PREP: variants seen among roughly 807,000 people sequenced by gnomAD.
The protein encoded by PREP is prolyl endopeptidase, also known as dJ355L5.1 (prolyl endopeptidase).
In PREP, 29 loss-of-function variants were observed where a neutral mutation model predicts 87.6. The ratio of observed to expected loss-of-function variants is 0.33; its 90% CI spans 0.25 to 0.45. The LOEUF (loss-of-function observed/expected upper bound fraction) is 0.45. Ranked by LOEUF, PREP falls within the 20% of genes least tolerant of loss-of-function variation. PREP has a pLI of 1.00. For synonymous variants in PREP, 337 were observed against 328.6 expected (o/e 1.03, Z -0.28); for missense variants, 695 against 886.5 (o/e 0.78, Z 2.74).
intron 3 of PREP, 60 bp downstream of exon 3, chr6:105,377,326 A>G (rs1435439428): frequency 1.3e-6 from 2 of 1,512,556 alleles, no homozygotes; most frequent in Admixed American, 2.2e-5. Flanking sequence ...TTTGTATTTT[A>G]CAATTTAAGA....
intron 2 of PREP, among the ~76,000 whole-genome samples, chr6:105,385,313 A>C (rs1772963602): frequency 6.6e-6 from 1 of 151,182 alleles, no homozygotes; most frequent in African/African-American, 2.4e-5. Flanking sequence ...GAAAAAAAGC[A>C]CATTTAGCCA....
intron 7 of PREP, among the ~76,000 whole-genome samples, chr6:105,350,848 G>C (rs114149395): frequency 4.6e-5 from 7 of 152,124 alleles, no homozygotes; most frequent in Non-Finnish European, 8.8e-5. Context: ...AAAAGATAAC[G>C]GGCTCAGTGC....
rs575944869 is a variant in PREP, at chr6:105,310,549, T to C, written c.1317+13116A>G. ...GGGTGTTGCCTGCCACTCCCTCCTTTTAATCCCTTTTCGTGGACTTCCTGC... is the reference window on the plus strand; with the variant it reads ...GGGTGTTGCCTGCCACTCCCTCCTTCTAATCCCTTTTCGTGGACTTCCTGC... On this transcript the variant is annotated intron_variant, in intron 10 of 14. Transcript: ENST00000652536. Among the ~76,000 whole-genome samples the C allele has an allele frequency of 9.2e-5, 14 of 152,294 alleles. No individual in the cohort carries two copies. In the South Asian group the frequency reaches 2.1e-3, roughly 23 times the overall value.
chr6:105,340,668 A>C (rs1218093920), intron 7 of PREP, among the ~76,000 whole-genome samples: 1 of 152,262 alleles, frequency 6.6e-6, no homozygotes, highest in Non-Finnish European at 1.5e-5. Flanking sequence ...AGAGACACAT[A>C]TATGCTGAAA....
intron 6 of PREP, among the ~76,000 whole-genome samples, chr6:105,361,574 A>G (rs1371227167): frequency 5.3e-5 from 8 of 152,214 alleles, no homozygotes; most frequent in Non-Finnish European, 1.0e-4. Context: ...ACGTAAAAAA[A>G]GCATTCTAAA....
At position 105,278,052 on chromosome 6, in the gene PREP, T is replaced by G; in HGVS notation, c.*92A>C. On this transcript the variant is annotated 3_prime_UTR_variant, in exon 15 of 15. Transcript: ENST00000652536. This position sits in a 1 kb window ranked among gnomAD's most constrained non-coding sequence, Gnocchi z 4.2. The stretch of plus-strand genomic sequence containing the variant: ...TGTGAGTGCAGGAATAATGTTCCCG[T>G]GGGGAAGCATTATGCCCAGTGGTTT... The G allele has an allele frequency of 6.9e-7, 1 of 1,439,848 alleles. No homozygotes were observed. The highest frequency in any genetic ancestry group is 9.5e-7 in the Non-Finnish European group (1 of 1,052,720). The allele number at this position is 1,439,848 out of a possible 1,614,324, so 89.2% of individuals were successfully genotyped here.
chr6:105,317,893 G>C (rs73770154), intron 10 of PREP, among the ~76,000 whole-genome samples: 48 of 152,340 alleles, frequency 3.2e-4, no homozygotes, highest in African/African-American at 1.1e-3. Flanking sequence ...CAAGGGAGGA[G>C]TGCCTCCTTA....
rs1322967218 is a variant in PREP, at chr6:105,277,036, C to T, written c.*1108G>A. Among the ~76,000 whole-genome samples the T allele has an allele frequency of 6.6e-6, 1 of 151,758 alleles. No homozygotes were observed. Among genetic ancestry groups the T allele is most frequent in the South Asian group, 2.1e-4 (1 of 4,802 alleles). On this transcript the variant is annotated 3_prime_UTR_variant, in exon 15 of 15. Coordinates refer to ENST00000652536, the MANE Select transcript of PREP (RefSeq NM_002726.5). ...CTGTTTTAAGTTAGATCAGCATTTC[C>T]CAAACTGATACTCAAAGGAACATTG...
chr6:105,311,343 A>G (rs908285084), intron 10 of PREP, among the ~76,000 whole-genome samples: 4 of 151,770 alleles, frequency 2.6e-5, no homozygotes, highest in African/African-American at 9.7e-5. Context: ...CCTGCCCTTC[A>G]TCCACTCCCC....
chr6:105,395,356 G>A lies in PREP; in HGVS notation c.120+2497C>T, dbSNP rs147281376. On this transcript the variant is annotated intron_variant, in intron 2 of 14. Transcript: ENST00000652536. ...TTAATGTGTAATTGATAACCACCTC[G>A]TCTACCTGGGTTACCCTTGACTACA... Among the ~76,000 whole-genome samples the A allele has an allele frequency of 5.0e-3, 755 of 152,096 alleles. 27 individuals carry two copies. Among genetic ancestry groups the A allele is most frequent in the Admixed American group, 0.044 (667 of 15,280 alleles).
chr6:105,339,747 G>A (rs978240734), intron 7 of PREP, among the ~76,000 whole-genome samples: 2 of 152,196 alleles, frequency 1.3e-5, no homozygotes, highest in East Asian at 1.9e-4. Context: ...GCATGCACAA[G>A]CTTCAGTAGC....
chr6:105,291,070 C>T (rs1022653355), intron 10 of PREP, among the ~76,000 whole-genome samples: 3 of 152,102 alleles, frequency 2.0e-5, no homozygotes, highest in Non-Finnish European at 2.9e-5. Context: ...ATTAAGTATG[C>T]AATAGCATTA....
chr6:105,282,351 C>T lies in PREP; in HGVS notation c.1681+100G>A, dbSNP rs1044012022. The T allele has an allele frequency of 7.1e-6, 10 of 1,400,556 alleles. No individual in the cohort carries two copies. The African/African-American group carries it at 1.0e-4, about 14-fold the overall frequency. 86.8% of individuals were successfully genotyped at this position (1,400,556 alleles called of 1,614,324 possible). On this transcript the variant is annotated intron_variant, in intron 13 of 14. Coordinates refer to ENST00000652536, the MANE Select transcript of PREP (RefSeq NM_002726.5). ...TGCTCTCCTTATACCACTTTGTGGT[C>T]CTATCCACAAAGTTAAGTCAAGAGC... is the stretch of plus-strand genomic sequence containing the variant.
chr6:105,308,596 G>T (rs1187088651), intron 10 of PREP, among the ~76,000 whole-genome samples: 1 of 151,872 alleles, frequency 6.6e-6, no homozygotes, highest in African/African-American at 2.4e-5. Flanking sequence ...GGCAACATTT[G>T]TCCATTTCTA....
At chr6:105,367,667 G>A (rs1405660341) in intron 6 of PREP, among the ~76,000 whole-genome samples, 7 of 131,368 alleles carry the variant, frequency 5.3e-5, no homozygotes, top group African/African-American at 1.3e-4. Context: ...GCGAGACTCC[G>A]TCTCAAAAAA....
At chr6:105,328,003 A>C (rs1193158466) in intron 9 of PREP, among the ~76,000 whole-genome samples, 1 of 152,228 alleles carries the variant, frequency 6.6e-6, no homozygotes, top group Non-Finnish European at 1.5e-5. Flanking sequence ...ATTAACCCGT[A>C]CCATGAAATG....
chr6:105,352,927 T>G, intron 7 of PREP, 45 bp downstream of exon 7: 1 of 1,495,894 alleles, frequency 6.7e-7, no homozygotes, highest in Non-Finnish European at 9.3e-7. Flanking sequence ...ACTTTTTAAA[T>G]GAAGTTTCTT....
At chr6:105,354,955 CAAAT>C in intron 6 of PREP, among the ~76,000 whole-genome samples, 1 of 151,844 alleles carries the variant, frequency 6.6e-6, no homozygotes, top group Admixed American at 6.6e-5. Context: ...CATCAGTAAA[CAAAT>C]CAAGAAAAAA....
intron 6 of PREP, among the ~76,000 whole-genome samples, chr6:105,367,154 TATATC>T (rs761487244): frequency 3.4e-4 from 51 of 152,230 alleles, no homozygotes; most frequent in African/African-American, 1.0e-3. Flanking sequence ...TATGAGATTA[TATATC>T]ATATAATATT....
Sources: allele counts gnomAD v4.1 joint callset (sites outside exome capture counted in the v4.1 genomes callset), GRCh38; gene constraint gnomAD v4.1.1; non-coding constraint Gnocchi (gnomAD v3.1); transcripts MANE v1.5; gene names NCBI Gene and HGNC (gene_info 2026-07-23, HGNC 2026-07-21).